The following MPP2 variants were observed in gnomAD, a reference collection of about 807,000 sequenced individuals.
The protein encoded by MPP2 is MAGUK p55 scaffold protein 2, also known as MAGUK p55 subfamily member 2.
In MPP2, 42 loss-of-function variants were observed where a neutral mutation model predicts 58.5. That is an observed-to-expected ratio of 0.72 (90% CI 0.56 to 0.93). MPP2 has a LOEUF of 0.93. MPP2 is among the 40% of genes least tolerant of loss of function. The pLI, the probability that MPP2 is intolerant of heterozygous loss-of-function variation, is 0.00. For missense variants in MPP2, 632 were observed against 760.4 expected (o/e 0.83, Z 1.99); for synonymous variants, 300 against 307.8 (o/e 0.97, Z 0.26).
rs1204424759 is a variant in MPP2 at position 43,900,939 on chromosome 17, T to C, written c.32-2559A>G. Reference sequence around the variant, plus strand: ...CGAGACCCTCCCCTCACAGCCAGCTTCAGGAGACCCGAGGGAGAAAAGTCT... The same window carrying C: ...CGAGACCCTCCCCTCACAGCCAGCTCCAGGAGACCCGAGGGAGAAAAGTCT... On this transcript the variant is annotated intron_variant, in intron 2 of 12. Transcript: ENST00000269095. Among the ~76,000 whole-genome samples the C allele has an allele frequency of 3.9e-5, 6 of 152,052 alleles. No individual in the cohort carries two copies. The East Asian group carries it at 1.2e-3, about 29-fold the overall frequency.
intron 2 of MPP2, among the ~76,000 whole-genome samples, chr17:43,903,192 C>A (rs2048161510): frequency 6.6e-6 from 1 of 151,526 alleles, no homozygotes; most frequent in Non-Finnish European, 1.5e-5. Flanking sequence ...AGGAGAATCA[C>A]TTGAACCTGG....
At chr17:43,885,188 TTC>T (rs1343551252) in intron 3 of MPP2, among the ~76,000 whole-genome samples, 1 of 151,918 alleles carries the variant, frequency 6.6e-6, no homozygotes, top group Non-Finnish European at 1.5e-5. Flanking sequence ...CTTTCTCTCC[TTC>T]TCTCTCTCAT....
chr17:43,892,043 T>C (rs2047629079), intron 3 of MPP2, among the ~76,000 whole-genome samples: 1 of 152,240 alleles, frequency 6.6e-6, no homozygotes, highest in Non-Finnish European at 1.5e-5. Context: ...CCGTCCCAGA[T>C]GCCAGCCACC....
intron 1 of MPP2, chr17:43,905,983 G>T (rs1217898471): frequency 7.3e-6 from 4 of 544,974 alleles, no homozygotes; most frequent in Admixed American, 6.4e-5. Flanking sequence ...GAAATGCCCA[G>T]GATCCACTGT....
At chr17:43,902,846 A>G (rs1179445565) in intron 2 of MPP2, among the ~76,000 whole-genome samples, 3 of 152,216 alleles carry the variant, frequency 2.0e-5, no homozygotes, top group African/African-American at 7.2e-5. Context: ...GGCCTCTAGC[A>G]CAGGGAACTT....
In MPP2 at chr17:43,880,366, C is replaced by A. The variant is rs73320400; in HGVS notation, c.1150+325G>T. ...CTAAGAAGCCCTGTCTTCCACAAGG[C>A]TACACACATGCAGCTCGTAGCCTGT... On this transcript the variant is annotated intron_variant, in intron 10 of 12. Coordinates refer to ENST00000269095, the MANE Select transcript of MPP2 (RefSeq NM_005374.5). The surrounding 1 kb of genome is among the most constrained non-coding windows in gnomAD (Gnocchi z 5.2). 0.02 allele frequency among the ~76,000 whole-genome samples: 3,071 copies of A among 152,314 alleles called. 89 individuals are homozygous for A. The highest frequency in any genetic ancestry group is 0.069 in the African/African-American group (2,870 of 41,554).
rs2143518455 is a variant in MPP2, at chr17:43,879,406, G to A, written c.1354-3C>T. The A allele has an allele frequency of 1.2e-6, 2 of 1,614,098 alleles. No individual in the cohort carries two copies. Among genetic ancestry groups the A allele is most frequent in the Non-Finnish European group, 8.5e-7 (1 of 1,179,948 alleles). On this transcript the variant is annotated splice_region_variant and splice_polypyrimidine_tract_variant and intron_variant, in intron 11 of 12. Coordinates refer to ENST00000269095, the MANE Select transcript of MPP2 (RefSeq NM_005374.5). This position sits in a 1 kb window ranked among gnomAD's most constrained non-coding sequence, Gnocchi z 4.1. ...GCCGTTCGTAGCACCTTCACCGCCTGCAGAAGGAGAAGGCAAGGTAGGGAG... is the reference window on the plus strand; with the variant it reads ...GCCGTTCGTAGCACCTTCACCGCCTACAGAAGGAGAAGGCAAGGTAGGGAG...
Position 43,880,035 on chromosome 17 carries a change from G to A in MPP2, c.1151-51C>T, listed in dbSNP as rs762549784. 3 of 1,569,886 alleles carry A rather than the reference G, an allele frequency of 1.9e-6. No homozygotes were observed. The highest frequency in any genetic ancestry group is 1.7e-5 in the Admixed American group (1 of 59,676). ...CAAATGGGCAGGGGCAGGTTACAGT[G>A]CCTCAGACACATATATGCACCCCTA... On this transcript the variant is annotated intron_variant, in intron 10 of 12. Coordinates refer to ENST00000269095, the MANE Select transcript of MPP2 (RefSeq NM_005374.5). This position sits in a 1 kb window ranked among gnomAD's most constrained non-coding sequence, Gnocchi z 5.2.
At chr17:43,895,570 A>G (rs2047809377) in intron 3 of MPP2, among the ~76,000 whole-genome samples, 2 of 152,202 alleles carry the variant, frequency 1.3e-5, no homozygotes, top group Admixed American at 6.5e-5. Flanking sequence ...TGTGTCAGGC[A>G]TTTTGTAGGC....
chr17:43,894,832 G>A (rs1297168067), intron 3 of MPP2, among the ~76,000 whole-genome samples: 1 of 50,568 alleles, frequency 2.0e-5, no homozygotes, highest in Non-Finnish European at 5.7e-5. Flanking sequence ...TTACTCAGGA[G>A]GCTAAGGCAG....
chr17:43,906,650 CGAA>C (rs1032792035), intron 1 of MPP2, among the ~76,000 whole-genome samples: 4 of 152,118 alleles, frequency 2.6e-5, no homozygotes, highest in African/African-American at 4.8e-5. Context: ...AGGATGGGGT[CGAA>C]AGGCCAGGCG....
Position 43,882,420 on chromosome 17 carries a change from C to T in MPP2, c.545G>A (p.Gly182Asp). Residue 182 changes from glycine to aspartate, a missense_variant, in exon 6 of 13, where the codon GGT becomes GAT. By Grantham distance (94) the Gly-to-Asp change is moderately conservative. Coordinates refer to ENST00000269095, the MANE Select transcript of MPP2 (RefSeq NM_005374.5). ...CCCGTTCACCTCCTTGATGATGTCA[C>T]CCACATGCAGCAGGCCTTGTTGAGC... ...MVAQQGLLHV[G>D]DIIKEVNGQP... The T allele has an allele frequency of 6.2e-7, 1 of 1,610,948 alleles. No homozygotes were observed. Among genetic ancestry groups the T allele is most frequent in the Non-Finnish European group, 8.5e-7 (1 of 1,179,970 alleles).
chr17:43,900,554 G>C (rs1244043021), intron 2 of MPP2: 1 of 1,545,320 alleles, frequency 6.5e-7, no homozygotes, highest in East Asian at 2.5e-5. Flanking sequence ...GCCTGCCATG[G>C]CGGCCCCCAG....
chr17:43,890,879 G>T (rs1196430384), intron 3 of MPP2, among the ~76,000 whole-genome samples: 1 of 152,212 alleles, frequency 6.6e-6, no homozygotes, highest in Non-Finnish European at 1.5e-5. Context: ...ACATGTGAGT[G>T]AGGCCATCCC....
intron 3 of MPP2, among the ~76,000 whole-genome samples, chr17:43,889,234 A>AT (rs2047496299): frequency 1.3e-5 from 2 of 151,352 alleles, no homozygotes; most frequent in South Asian, 2.1e-4. Flanking sequence ...CCTAAATTAG[A>AT]TTTTTTAAAT....
chr17:43,892,623 A>G (rs1432673000), intron 3 of MPP2, among the ~76,000 whole-genome samples: 1 of 152,128 alleles, frequency 6.6e-6, no homozygotes, highest in Non-Finnish European at 1.5e-5. Flanking sequence ...GGGAGAAAGA[A>G]GTTACTGGAT....
chr17:43,888,178 G>A (rs867851876), intron 3 of MPP2, among the ~76,000 whole-genome samples: 1 of 152,190 alleles, frequency 6.6e-6, no homozygotes, highest in Non-Finnish European at 1.5e-5. Flanking sequence ...CTCAATAAAG[G>A]TTAGATGCTT....
chr17:43,899,349 GGAT>G (rs2047990850), intron 2 of MPP2, among the ~76,000 whole-genome samples: 1 of 151,712 alleles, frequency 6.6e-6, no homozygotes, highest in Non-Finnish European at 1.5e-5. Context: ...GCAGGCTCAA[GGAT>G]GAGACAGACA....
chr17:43,885,750 G>A (rs1003499798), intron 3 of MPP2, among the ~76,000 whole-genome samples: 2 of 152,116 alleles, frequency 1.3e-5, no homozygotes, highest in Non-Finnish European at 2.9e-5. Flanking sequence ...GGGGCGTAAG[G>A]GATAAAAGAC....
Sources: allele counts gnomAD v4.1 joint callset (sites outside exome capture counted in the v4.1 genomes callset), GRCh38; gene constraint gnomAD v4.1.1; non-coding constraint Gnocchi (gnomAD v3.1); transcripts MANE v1.5; gene names NCBI Gene and HGNC (gene_info 2026-07-23, HGNC 2026-07-21).